Variants in PTPRD observed in about 807,000 individuals in gnomAD.
PTPRD encodes the protein receptor-type tyrosine-protein phosphatase delta.
Under a neutral mutation model 214.5 loss-of-function variants are expected in PTPRD, and 34 were observed. That is an observed-to-expected ratio of 0.16 (90% CI 0.12 to 0.21). The LOEUF (loss-of-function observed/expected upper bound fraction) is 0.21. Ranked by LOEUF, PTPRD falls within the 10% of genes least tolerant of loss-of-function variation. PTPRD has a pLI of 1.00. For synonymous variants in PTPRD, 1,128 were observed against 845.7 expected (o/e 1.33, Z -5.79); for missense variants, 2,545 against 2,398.7 (o/e 1.06, Z -1.27).
chr9:9,284,665 AT>A, intron 9 of PTPRD, among the ~76,000 whole-genome samples: 1 of 151,718 alleles, frequency 6.6e-6, no homozygotes, highest in Non-Finnish European at 1.5e-5. Context: ...ATTTTCTAGA[AT>A]TTTAACTTAG....
intron 12 of PTPRD, among the ~76,000 whole-genome samples, chr9:8,666,774 A>G (rs2097178365): frequency 6.6e-6 from 1 of 152,202 alleles, no homozygotes; most frequent in Admixed American, 6.5e-5. Flanking sequence ...GCAGACATCT[A>G]GCAGAACATA....
chr9:8,773,557 A>T (rs1279005631), intron 11 of PTPRD, among the ~76,000 whole-genome samples: 1 of 152,156 alleles, frequency 6.6e-6, no homozygotes, highest in Non-Finnish European at 1.5e-5. Flanking sequence ...AGGAGAATAA[A>T]TTGGTCCCTA....
chr9:9,137,934 A>G (rs1201652831), intron 10 of PTPRD, among the ~76,000 whole-genome samples: 3 of 152,122 alleles, frequency 2.0e-5, no homozygotes, highest in African/African-American at 4.8e-5. Context: ...ACTTTCCCCA[A>G]AAGAATTCAT....
At chr9:8,713,420 G>A (rs10977258) in intron 12 of PTPRD, 511,593 of 1,095,038 alleles carry the variant, frequency 0.47, 122,874 homozygotes, top group African/African-American at 0.65. Context: ...GCACCTAATC[G>A]TGTCGTCGCC....
intron 4 of PTPRD, among the ~76,000 whole-genome samples, chr9:9,940,569 C>G (rs980719116): frequency 1.3e-5 from 2 of 152,108 alleles, no homozygotes; most frequent in African/African-American, 4.8e-5. Context: ...ATTATCTGTA[C>G]AACAGAGATA....
chr9:9,641,816 G>C (rs1437953181), intron 7 of PTPRD, among the ~76,000 whole-genome samples: 3 of 152,134 alleles, frequency 2.0e-5, no homozygotes, highest in South Asian at 2.1e-4. Context: ...CCGTGATTTA[G>C]CAGGAGACAA....
chr9:10,302,943 A>G (rs2095911995), intron 3 of PTPRD, among the ~76,000 whole-genome samples: 1 of 152,206 alleles, frequency 6.6e-6, no homozygotes, highest in Non-Finnish European at 1.5e-5. Context: ...TCCACCCCAA[A>G]TCAACAGAAT....
intron 4 of PTPRD, among the ~76,000 whole-genome samples, chr9:10,023,225 C>G (rs1377907883): frequency 6.6e-6 from 1 of 152,074 alleles, no homozygotes; most frequent in East Asian, 1.9e-4. Flanking sequence ...TAGAATTAAT[C>G]ATTTTAAGTG....
intron 11 of PTPRD, among the ~76,000 whole-genome samples, chr9:8,903,919 A>G (rs1189396062): frequency 6.6e-6 from 1 of 152,204 alleles, no homozygotes; most frequent in Non-Finnish European, 1.5e-5. Context: ...AAAATGGCTC[A>G]AGGCAGTGTC....
chr9:10,495,224 T>C (rs2041680211), intron 2 of PTPRD, among the ~76,000 whole-genome samples: 1 of 151,192 alleles, frequency 6.6e-6, no homozygotes, highest in South Asian at 2.1e-4. Flanking sequence ...TCAGTAAGAG[T>C]GTGTTAGAAT....
chr9:8,624,949 G>A (rs144741842), intron 14 of PTPRD, among the ~76,000 whole-genome samples: 29 of 151,756 alleles, frequency 1.9e-4, no homozygotes, highest in African/African-American at 6.3e-4. Flanking sequence ...TTACCCAAAT[G>A]GTCTCTTAAT....
intron 12 of PTPRD, among the ~76,000 whole-genome samples, chr9:8,719,525 C>T (rs72700400): frequency 0.11 from 16,062 of 152,202 alleles, 2,643 homozygotes; most frequent in African/African-American, 0.35. Context: ...TGAGGAGTTG[C>T]AGGTGAGTAA....
At chr9:8,352,619 G>A (rs2075824892) in intron 39 of PTPRD, among the ~76,000 whole-genome samples, 1 of 152,074 alleles carries the variant, frequency 6.6e-6, no homozygotes, top group African/African-American at 2.4e-5. Flanking sequence ...CACACAGCAG[G>A]CTTGTCATTA....
chr9:9,808,848 T>A (rs1326902810), intron 5 of PTPRD, among the ~76,000 whole-genome samples: 3 of 152,156 alleles, frequency 2.0e-5, no homozygotes, highest in Admixed American at 1.3e-4. Context: ...CATAGCTCAC[T>A]GAAACCTCAA....
intron 11 of PTPRD, among the ~76,000 whole-genome samples, chr9:8,993,197 G>A (rs553310667): frequency 2.0e-5 from 3 of 152,106 alleles, no homozygotes; most frequent in Admixed American, 6.6e-5. Flanking sequence ...TTGGCCCAGA[G>A]AACCTGGCTC....
intron 3 of PTPRD, among the ~76,000 whole-genome samples, chr9:10,248,492 T>A (rs1476421789): frequency 8.7e-6 from 1 of 114,372 alleles, no homozygotes. Context: ...TTCTACAGAA[T>A]GTCAAAGGGT....
chr9:9,192,434 T>G (rs956474416), intron 9 of PTPRD, among the ~76,000 whole-genome samples: 1 of 152,132 alleles, frequency 6.6e-6, no homozygotes, highest in African/African-American at 2.4e-5. Flanking sequence ...TTAAAAGGTT[T>G]CTCATAGGTG....
intron 9 of PTPRD, among the ~76,000 whole-genome samples, chr9:9,208,020 C>CTTTTTTTTTTTTT (rs749709602): frequency 0.042 from 2,246 of 53,080 alleles, 727 homozygotes; most frequent in African/African-American, 0.066. Context: ...TATATATCTG[C>CTTTTTTTTTTTTT]TTTTTTTTTT....
chr9:9,796,341 A>C (rs558674361), intron 5 of PTPRD, among the ~76,000 whole-genome samples: 1 of 152,142 alleles, frequency 6.6e-6, no homozygotes, highest in African/African-American at 2.4e-5. Context: ...AAAAGGATTC[A>C]AGGTTTGCAT....
Sources: gnomAD v4.1 joint callset for allele counts (sites outside exome capture counted in the v4.1 genomes callset) on GRCh38, gnomAD v4.1.1 for gene constraint, MANE v1.5 for transcripts, NCBI Gene and HGNC (gene_info 2026-07-23, HGNC 2026-07-21) for gene names.